GNAS-AS1: variants seen among roughly 807,000 people sequenced by gnomAD.
GNAS-AS1 encodes GNAS antisense RNA 1 (non-protein coding).
At chr20:58,819,072 G>A (rs1209820685) in exon 5 of GNAS-AS1, 1 of 398,498 alleles carries the variant, frequency 2.5e-6, no homozygotes, top group African/African-American at 2.1e-5. Context: ...TTACCTCAAG[G>A]ATCTTGCTCA....
chr20:58,840,323 G>A lies in GNAS-AS1; in HGVS notation n.819+1614C>T. ...CCTTAACGCCCACCACCGCTCCGGC[G>A]CCCAGGTATTCCCTGAGTCCCCCGA... is the stretch of plus-strand genomic sequence containing the variant. On this transcript the variant is annotated intron_variant and non_coding_transcript_variant, in intron 4 of 4. Transcript: ENST00000424094. This position sits in a 1 kb window ranked among gnomAD's most constrained non-coding sequence, Gnocchi z 6.0. 6.2e-7 allele frequency: 1 copy of A among 1,612,958 alleles called. No homozygotes were observed. Among genetic ancestry groups the A allele is most frequent in the Non-Finnish European group, 8.5e-7 (1 of 1,179,996 alleles).
At chr20:58,845,991 A>C (rs2085926560) in intron 2 of GNAS-AS1, among the ~76,000 whole-genome samples, 1 of 152,244 alleles carries the variant, frequency 6.6e-6, no homozygotes, top group Admixed American at 6.5e-5. Context: ...TTAGCAGGGC[A>C]CATGGCTATG....
At chr20:58,827,925 A>G (rs1240015379) in intron 4 of GNAS-AS1, among the ~76,000 whole-genome samples, 1 of 152,276 alleles carries the variant, frequency 6.6e-6, no homozygotes, top group Non-Finnish European at 1.5e-5. Context: ...TGTAATTCAT[A>G]TAATTGCATG....
chr20:58,837,373 A>C (rs1448876205), intron 4 of GNAS-AS1, among the ~76,000 whole-genome samples: 1 of 152,244 alleles, frequency 6.6e-6, no homozygotes, highest in Non-Finnish European at 1.5e-5. Flanking sequence ...CCAGTGTCCC[A>C]TGATAATATC....
At position 58,840,011 on chromosome 20, in the gene GNAS-AS1, G is replaced by A. The variant is rs560873163; in HGVS notation, n.819+1926C>T. The A allele has an allele frequency of 9.9e-5, 140 of 1,410,784 alleles. 1 individual carries two copies. The South Asian group carries it at 1.6e-3, about 16-fold the overall frequency. 87.4% of individuals were successfully genotyped at this position (1,410,784 alleles called of 1,614,324 possible). A position where few individuals can be genotyped will look rare whatever the true frequency, so the allele number is the denominator to read the frequency against. ...CTCCGGGCCAGCTTCTCACCTCATA[G>A]GGTGTACCTTTCCCGGCTCCAGCAG... On this transcript the variant is annotated intron_variant and non_coding_transcript_variant, in intron 4 of 4. Coordinates refer to ENST00000424094, the Ensembl canonical transcript of GNAS-AS1. The surrounding 1 kb of genome is among the most constrained non-coding windows in gnomAD (Gnocchi z 6.0).
chr20:58,839,224 T>A (rs1288974034), intron 4 of GNAS-AS1: 3 of 398,486 alleles, frequency 7.5e-6, no homozygotes, highest in African/African-American at 6.2e-5. Flanking sequence ...GAGCACGTAT[T>A]GTTTGGAAAC....
chr20:58,835,165 G>A (rs772011445), intron 4 of GNAS-AS1, among the ~76,000 whole-genome samples: 4 of 152,060 alleles, frequency 2.6e-5, no homozygotes, highest in African/African-American at 4.8e-5. Flanking sequence ...GAGGGGTAGC[G>A]AGTGCTGCAA....
intron 4 of GNAS-AS1, chr20:58,823,878 G>A (rs2085502929): frequency 2.5e-6 from 1 of 396,192 alleles, no homozygotes. Context: ...CCATCAGCCT[G>A]CATTTGCATG....
Position 58,840,815 on chromosome 20 carries a change from A to T in GNAS-AS1, n.819+1122T>A. ...CGCGTCCCCGGAGTCCCCTTCCAAA[A>T]AGGGACCCATCCCCATCCGGCGTCA... On this transcript the variant is annotated intron_variant and non_coding_transcript_variant, in intron 4 of 4. Transcript: ENST00000424094. The surrounding 1 kb of genome is among the most constrained non-coding windows in gnomAD (Gnocchi z 6.0). 1 of 1,612,760 alleles carries T rather than the reference A, an allele frequency of 6.2e-7. No individual in the cohort carries two copies. Among genetic ancestry groups the T allele is most frequent in the Non-Finnish European group, 8.5e-7 (1 of 1,179,958 alleles).
chr20:58,825,877 T>C, intron 4 of GNAS-AS1: 1 of 392,548 alleles, frequency 2.5e-6, no homozygotes, highest in Non-Finnish European at 4.5e-6. Flanking sequence ...GAGGGGAGCA[T>C]GGAAGCCCAG....
chr20:58,835,582 C>A (rs2085597165), intron 4 of GNAS-AS1, among the ~76,000 whole-genome samples: 1 of 152,194 alleles, frequency 6.6e-6, no homozygotes, highest in African/African-American at 2.4e-5. Context: ...TGATTCTAAC[C>A]AGTTACTCAA....
chr20:58,824,255 G>A (rs530321392), intron 4 of GNAS-AS1, among the ~76,000 whole-genome samples: 11 of 152,332 alleles, frequency 7.2e-5, no homozygotes, highest in South Asian at 2.1e-4. Flanking sequence ...AGAAGCTGAC[G>A]GGCAGCGCAG....
intron 4 of GNAS-AS1, among the ~76,000 whole-genome samples, chr20:58,837,872 C>T (rs2085616411): frequency 6.6e-6 from 1 of 152,216 alleles, no homozygotes; most frequent in African/African-American, 2.4e-5. Flanking sequence ...ATGAACTCTG[C>T]ACTTAGTGGT....
At chr20:58,821,020 C>T (rs574454353) in intron 4 of GNAS-AS1, among the ~76,000 whole-genome samples, 2 of 152,350 alleles carry the variant, frequency 1.3e-5, no homozygotes, top group African/African-American at 4.8e-5. Flanking sequence ...CTTCTTGCCA[C>T]AAGAATCCCA....
intron 4 of GNAS-AS1, among the ~76,000 whole-genome samples, chr20:58,826,377 T>C (rs2085520421): frequency 6.6e-6 from 1 of 152,146 alleles, no homozygotes; most frequent in Admixed American, 6.5e-5. Flanking sequence ...CTTTCATGCA[T>C]AAAAATGTCC....
Position 58,819,068 on chromosome 20 carries a change from C to T in GNAS-AS1, n.1007G>A, listed in dbSNP as rs78572212. 1.5e-3 allele frequency: 598 copies of T among 398,666 alleles called. 2 individuals are homozygous for T. The highest frequency in any genetic ancestry group is 0.011 in the African/African-American group (557 of 48,756). 24.7% of individuals were successfully genotyped at this position (398,666 alleles called of 1,614,324 possible). Reference sequence around the variant, plus strand: ...GGACGTCAGAGATCAGCTCTTACCTCAAGGATCTTGCTCACCAAACTCTCT... The same window carrying T: ...GGACGTCAGAGATCAGCTCTTACCTTAAGGATCTTGCTCACCAAACTCTCT... On this transcript the variant is annotated non_coding_transcript_exon_variant, in exon 5 of 5. Coordinates refer to ENST00000424094, the Ensembl canonical transcript of GNAS-AS1.
exon 1 of GNAS-AS1, chr20:58,850,776 G>A (rs1218203241): frequency 2.5e-6 from 1 of 398,898 alleles, no homozygotes; most frequent in Non-Finnish European, 4.4e-6. Flanking sequence ...TGTGGCATGA[G>A]GAAGAGTGAC....
At chr20:58,820,212 T>C (rs182021020) in intron 4 of GNAS-AS1, among the ~76,000 whole-genome samples, 15 of 152,324 alleles carry the variant, frequency 9.8e-5, no homozygotes, top group African/African-American at 3.6e-4. Flanking sequence ...CGGCCTTAGG[T>C]GCTGACCGCT....
chr20:58,848,202 G>C (rs1418449794), intron 2 of GNAS-AS1, among the ~76,000 whole-genome samples: 3 of 152,162 alleles, frequency 2.0e-5, no homozygotes, highest in Non-Finnish European at 4.4e-5. Context: ...TTTTTAAGTA[G>C]CCAAGTATAC....
Sources: gnomAD v4.1 joint callset for allele counts (sites outside exome capture counted in the v4.1 genomes callset) on GRCh38, gnomAD v4.1.1 for gene constraint, Gnocchi (gnomAD v3.1) non-coding constraint, MANE v1.5 for transcripts, NCBI Gene and HGNC (gene_info 2026-07-23, HGNC 2026-07-21) for gene names.